Variants in CSAG1 observed in about 807,000 individuals in gnomAD.
CSAG1 encodes the protein chondrosarcoma-associated gene 1 protein.
CSAG1 carries 4 observed loss-of-function variants against 4.8 expected under a neutral mutation model. The ratio of observed to expected loss-of-function variants is 0.83; its 90% CI spans 0.41 to 1.90. The LOEUF (loss-of-function observed/expected upper bound fraction) is 1.90, where lower values mean the gene tolerates loss of function less well. Among genes scored for constraint, CSAG1 ranks in the 40% most tolerant of loss-of-function variants. The probability of loss-of-function intolerance (pLI) is 0.03; values close to 1 mark genes in which losing one functional copy is unlikely to be tolerated. For synonymous variants in CSAG1, 21 were observed against 23.1 expected (o/e 0.91, Z 0.26); for missense variants, 69 against 59.5 (o/e 1.16, Z -0.53).
chrX:152,729,770 G>A (rs868953596), intron 2 of CSAG1, among the ~76,000 whole-genome samples: 30 of 110,392 alleles, frequency 2.7e-4, no homozygotes, highest in Middle Eastern at 4.6e-3. Context: ...ATAGCTCGTG[G>A]AAATGCAACA....
intron 2 of CSAG1, among the ~76,000 whole-genome samples, chrX:152,731,264 C>T (rs1417415286): frequency 8.9e-6 from 1 of 111,887 alleles, no homozygotes; most frequent in Non-Finnish European, 1.9e-5. Flanking sequence ...CCTAATAAAA[C>T]GTTTTTTATC....
chrX:152,731,373 C>A (rs1556228310), intron 2 of CSAG1, among the ~76,000 whole-genome samples: 1 of 112,193 alleles, frequency 8.9e-6, no homozygotes. Context: ...AAAAAGAAAA[C>A]TTTAATTAAA....
In CSAG1 at chrX:152,732,614, G is replaced by C. The variant is rs1239101479; in HGVS notation, c.-44-110C>G. The C allele has an allele frequency of 9.6e-6, 9 of 939,105 alleles. No homozygotes were observed. The East Asian group carries it at 2.9e-4, about 30-fold the overall frequency. 77.4% of individuals were successfully genotyped at this position (939,105 alleles called of 1,213,427 possible). A position where few individuals can be genotyped will look rare whatever the true frequency, so the allele number is the denominator to read the frequency against. ...TGAGACTGAAGACCTTGTTGAGCTG[G>C]TACTTGTGTGTGACACTTGCCGTGT... On this transcript the variant is annotated intron_variant, in intron 1 of 3. Transcript: ENST00000452779.
In CSAG1 at chrX:152,727,847, T is replaced by C. The variant is rs1932049989; in HGVS notation, c.184A>G (p.Arg62Gly). The part of the protein sequence containing the change: ...STPKRFPRQP[R>G]REKGPVKEVP... ...TCCTTGACGGGTCCCTTTTCCCTTCTGGGTTGTCTTGGGAACCTGGAAAGC... is the reference window on the plus strand; with the variant it reads ...TCCTTGACGGGTCCCTTTTCCCTTCCGGGTTGTCTTGGGAACCTGGAAAGC... Residue 62 changes from arginine to glycine, a missense_variant, in exon 4 of 4, where the codon AGA (arginine) becomes GGA (glycine). By Grantham distance (125) the Arg-to-Gly change is moderately radical. Transcript: ENST00000452779. 24 of 1,208,360 alleles carry C rather than the reference T, an allele frequency of 2.0e-5. No homozygotes were observed. The Middle Eastern group carries it at 6.9e-4, about 35-fold the overall frequency.
At chrX:152,731,060 A>G (rs1421445744) in intron 2 of CSAG1, among the ~76,000 whole-genome samples, 2 of 112,438 alleles carry the variant, frequency 1.8e-5, no homozygotes, top group Non-Finnish European at 3.8e-5. Context: ...TTTAAAATGC[A>G]TGTTAAATTG....
chrX:152,728,080 G>A lies in CSAG1; in HGVS notation c.161C>T (p.Pro54Leu), dbSNP rs1556830729. ...ATGCTTTCCCCTTCCTCGCCTCTTT[G>A]GTGTTGATGGGTGGTTGTTGGAAAA... ...SPFSNNHPSTPKRFPRQPRRE... is the reference protein window; with the variant it reads ...SPFSNNHPSTLKRFPRQPRRE... Residue 54 changes from proline to leucine, a missense_variant, in exon 3 of 4, where the codon CCA becomes CTA. Coordinates refer to ENST00000452779, the MANE Select transcript of CSAG1 (RefSeq NM_001102576.3). 2.3e-4 allele frequency: 283 copies of A among 1,208,797 alleles called. No homozygotes were observed. In the African/African-American group the frequency reaches 4.5e-3, roughly 19 times the overall value.
rs1556830695 is a variant in CSAG1 at position 152,728,045 on chromosome X, G to A, written c.167+29C>T. 1,128 of 1,209,082 alleles carry A rather than the reference G, an allele frequency of 9.3e-4. 1 individual carries two copies. The highest frequency in any genetic ancestry group is 8.1e-3 in the Middle Eastern group (35 of 4,344). ...CACTTTGATAGGGCTTCTGGGCCAGGGATGAGAGGATGCTTTCCCCTTCCT... is the reference window on the plus strand; with the variant it reads ...CACTTTGATAGGGCTTCTGGGCCAGAGATGAGAGGATGCTTTCCCCTTCCT... On this transcript the variant is annotated intron_variant, in intron 3 of 3. Coordinates refer to ENST00000452779, the MANE Select transcript of CSAG1 (RefSeq NM_001102576.3).
intron 2 of CSAG1, among the ~76,000 whole-genome samples, chrX:152,729,319 T>C (rs1326151340): frequency 2.7e-5 from 3 of 112,221 alleles, no homozygotes; most frequent in African/African-American, 9.7e-5. Flanking sequence ...GGAGATGAGT[T>C]TTTAAATTCA....
intron 1 of CSAG1, chrX:152,733,243 A>G (rs782327901): frequency 8.9e-6 from 1 of 111,737 alleles, no homozygotes; most frequent in African/African-American, 3.3e-5. Context: ...GCAGCTGTGC[A>G]AATGCACAGA....
chrX:152,732,924 A>G (rs1556227713), intron 1 of CSAG1: 1 of 131,288 alleles, frequency 7.6e-6, no homozygotes, highest in Non-Finnish European at 1.5e-5. Context: ...TCAACAGAAC[A>G]CAAAGACTGG....
At chrX:152,728,382 C>G (rs1160856359) in intron 2 of CSAG1, among the ~76,000 whole-genome samples, 158 bp from the exon 3 acceptor site, 3 of 112,332 alleles carry the variant, frequency 2.7e-5, no homozygotes, top group African/African-American at 9.7e-5. Flanking sequence ...AAATGTTGAT[C>G]ACATCTACAA....
At chrX:152,728,636 G>A (rs1418643185) in intron 2 of CSAG1, among the ~76,000 whole-genome samples, 3 of 112,351 alleles carry the variant, frequency 2.7e-5, no homozygotes, top group Non-Finnish European at 5.6e-5. Flanking sequence ...AAATGTCATT[G>A]ACTGAGTAGC....
chrX:152,732,212 G>A (rs181977957), intron 2 of CSAG1, among the ~76,000 whole-genome samples: 16 of 112,336 alleles, frequency 1.4e-4, no homozygotes, highest in African/African-American at 2.9e-4. Flanking sequence ...ACTAACTACA[G>A]CAATTAATAG....
At chrX:152,729,873 A>G (rs1676401092) in intron 2 of CSAG1, among the ~76,000 whole-genome samples, 1 of 109,384 alleles carries the variant, frequency 9.1e-6, no homozygotes, top group African/African-American at 3.3e-5. Flanking sequence ...CAATCAATTT[A>G]CCCAATTGAT....
At chrX:152,728,046 G>A in intron 3 of CSAG1, 28 bp downstream of exon 3, 1 of 1,211,307 alleles carries the variant, frequency 8.3e-7, no homozygotes, top group Non-Finnish European at 1.1e-6. Flanking sequence ...CTGGGCCAGG[G>A]ATGAGAGGAT....
chrX:152,730,573 C>G (rs1339603334), intron 2 of CSAG1, among the ~76,000 whole-genome samples: 2 of 111,725 alleles, frequency 1.8e-5, no homozygotes, highest in Admixed American at 9.5e-5. Flanking sequence ...AGGACTCCAC[C>G]AGACATGAAA....
At position 152,727,892 on chromosome X, in the gene CSAG1, G is replaced by C. The variant is rs1556830620; in HGVS notation, c.168-29C>G. 24 of 1,201,019 alleles carry C rather than the reference G, an allele frequency of 2.0e-5. No homozygotes were observed. The Admixed American group carries it at 4.2e-4, about 21-fold the overall frequency. ...GAAAGCCAACAGGGAGATCACAGGAGGGCACTGGTTTGGGGAAGAGGATGG... is the reference window on the plus strand; with the variant it reads ...GAAAGCCAACAGGGAGATCACAGGACGGCACTGGTTTGGGGAAGAGGATGG... On this transcript the variant is annotated intron_variant, in intron 3 of 3. Transcript: ENST00000452779.
intron 3 of CSAG1, 22 bp downstream of exon 3, chrX:152,728,052 A>C: frequency 8.3e-7 from 1 of 1,210,983 alleles, no homozygotes; most frequent in East Asian, 3.0e-5. Context: ...CAGGGATGAG[A>C]GGATGCTTTC....
At position 152,728,119 on chromosome X, in the gene CSAG1, C is replaced by T. The variant is rs182694662; in HGVS notation, c.122G>A (p.Arg41Gln). 8.3e-7 allele frequency: 1 copy of T among 1,210,901 alleles called. No homozygotes were observed. The highest frequency in any genetic ancestry group is 1.1e-6 in the Non-Finnish European group (1 of 895,162). The change falls in exon 3 of 4, where the codon CGA becomes CAA. Residue 41 changes from arginine to glutamine, a missense_variant. Transcript: ENST00000452779. ...TGLVKMSRKPRASSPFSNNHP... is the reference protein window; with the variant it reads ...TGLVKMSRKPQASSPFSNNHP... ...GTTGTTGGAAAATGGGCTGGAGGCT[C>T]GTGGTTTCCTGGACATCTTCACCAG... is the stretch of plus-strand genomic sequence containing the variant.
Sources: allele counts gnomAD v4.1 joint callset (sites outside exome capture counted in the v4.1 genomes callset), GRCh38; gene constraint gnomAD v4.1.1; transcripts MANE v1.5; gene names NCBI Gene and HGNC (gene_info 2026-07-23, HGNC 2026-07-21).